WDFY3: variants seen among roughly 807,000 people sequenced by gnomAD.
WDFY3 encodes WD repeat and FYVE domain-containing protein 3.
In WDFY3, 66 loss-of-function variants were observed where a neutral mutation model predicts 409.6. That is an observed-to-expected ratio of 0.16 (90% CI 0.13 to 0.20). WDFY3 has a LOEUF of 0.20. WDFY3 is among the 10% of genes least tolerant of loss of function. The probability of loss-of-function intolerance (pLI) is 1.00; values close to 1 mark genes in which losing one functional copy is unlikely to be tolerated. For missense variants in WDFY3, 3,031 were observed against 4,298.1 expected (o/e 0.71, Z 8.24); for synonymous variants, 1,521 against 1,537.1 (o/e 0.99, Z 0.25).
At chr4:84,781,445 C>A (rs1293380427) in intron 25 of WDFY3, among the ~76,000 whole-genome samples, 1 of 140,206 alleles carries the variant, frequency 7.1e-6, no homozygotes, top group Admixed American at 7.5e-5. Context: ...GGCTGGAATG[C>A]AGTGGCTCAA....
At chr4:84,881,227 T>C (rs1451376393) in intron 3 of WDFY3, among the ~76,000 whole-genome samples, 1 of 152,208 alleles carries the variant, frequency 6.6e-6, no homozygotes, top group African/African-American at 2.4e-5. Context: ...TATTATTCTC[T>C]TCATTCACAG....
At chr4:84,765,416 C>A (rs1032811189) in intron 32 of WDFY3, among the ~76,000 whole-genome samples, 2 of 152,106 alleles carry the variant, frequency 1.3e-5, no homozygotes, top group South Asian at 2.1e-4. Flanking sequence ...TTGCACCTCA[C>A]AGAGTTATTG....
Position 84,751,619 on chromosome 4 carries a change from T to C in WDFY3, c.5837A>G (p.Asn1946Ser), listed in dbSNP as rs1487513855. The change falls in exon 36 of 68, where the codon AAT (asparagine) becomes AGT (serine). Residue 1946 changes from asparagine (N) to serine (S), a missense_variant. This residue lies in a region of WDFY3 where 314 missense variants were observed against 397.4 expected (regional missense o/e 0.79). Coordinates refer to ENST00000295888, the MANE Select transcript of WDFY3 (RefSeq NM_014991.6). Reference sequence around the variant, plus strand: ...GGTCAGATATGTCTTGGTGCCCACATTGCAGTACTCTGATTGGCTCCTGTT... The same window carrying C: ...GGTCAGATATGTCTTGGTGCCCACACTGCAGTACTCTGATTGGCTCCTGTT... The part of the protein sequence containing the change: ...GMNRSQSEYC[N>S]VGTKTYLTNH... The C allele has an allele frequency of 4.3e-6, 7 of 1,614,192 alleles. No homozygotes were observed. In the Middle Eastern group the frequency reaches 6.6e-4, roughly 152 times the overall value.
At chr4:84,800,830 A>G (rs1033842244) in intron 17 of WDFY3, among the ~76,000 whole-genome samples, 2 of 152,132 alleles carry the variant, frequency 1.3e-5, no homozygotes, top group African/African-American at 4.8e-5. Flanking sequence ...TCACGCTCCT[A>G]TGAGTATCTA....
intron 17 of WDFY3, among the ~76,000 whole-genome samples, chr4:84,798,724 C>T (rs1178770027): frequency 6.6e-6 from 1 of 152,168 alleles, no homozygotes; most frequent in Non-Finnish European, 1.5e-5. Flanking sequence ...TTGCTGCTAT[C>T]ACCCAGACCA....
At chr4:84,928,804 T>G (rs540576737) in intron 2 of WDFY3, among the ~76,000 whole-genome samples, 1 of 152,326 alleles carries the variant, frequency 6.6e-6, no homozygotes, top group South Asian at 2.1e-4. Flanking sequence ...GCATATTTTA[T>G]GAGAAATATC....
intron 63 of WDFY3, 167 bp from the exon 64 acceptor site, chr4:84,682,637 C>T (rs1211073349): frequency 4.9e-6 from 3 of 615,304 alleles, no homozygotes; most frequent in African/African-American, 1.9e-5. Context: ...GGGCTGCCTG[C>T]ACACAATGGC....
At chr4:84,910,259 G>A (rs1033274135) in intron 2 of WDFY3, among the ~76,000 whole-genome samples, 3 of 152,042 alleles carry the variant, frequency 2.0e-5, no homozygotes, top group East Asian at 1.9e-4. Flanking sequence ...TTCCTATCAC[G>A]GACTTGAGCA....
At chr4:84,797,506 A>T (rs1749664676) in intron 18 of WDFY3, among the ~76,000 whole-genome samples, 1 of 152,070 alleles carries the variant, frequency 6.6e-6, no homozygotes, top group Admixed American at 6.5e-5. Context: ...TCTCTTAGGG[A>T]AAGGAACTAT....
intron 3 of WDFY3, among the ~76,000 whole-genome samples, chr4:84,876,155 T>C (rs771948564): frequency 5.3e-5 from 8 of 152,176 alleles, no homozygotes; most frequent in Non-Finnish European, 8.8e-5. Flanking sequence ...GAGTTGTGCT[T>C]TGTGCTACGG....
In WDFY3 at chr4:84,703,309, A is replaced by C. The variant is rs148073275; in HGVS notation, c.8443-803T>G. Among the ~76,000 whole-genome samples the C allele has an allele frequency of 3.4e-3, 512 of 152,330 alleles. 4 individuals carry two copies. Among genetic ancestry groups the C allele is most frequent in the African/African-American group, 0.012 (495 of 41,568 alleles). ...GTGATCAGTTACAGACCGATGAAGC[A>C]AATTAAAATAGAAAAGGGATATTTT... On this transcript the variant is annotated intron_variant, in intron 55 of 67. Transcript: ENST00000295888.
intron 17 of WDFY3, among the ~76,000 whole-genome samples, chr4:84,798,419 G>A (rs1749895290): frequency 6.6e-6 from 1 of 152,000 alleles, no homozygotes; most frequent in Non-Finnish European, 1.5e-5. Context: ...AAAAATGCAA[G>A]TATAGTAAAA....
chr4:84,905,684 G>T (rs79721213), intron 2 of WDFY3, among the ~76,000 whole-genome samples: 1 of 152,054 alleles, frequency 6.6e-6, no homozygotes, highest in Non-Finnish European at 1.5e-5. Flanking sequence ...AAAACCCTTC[G>T]GTGGCTTTCA....
intron 27 of WDFY3, 120 bp downstream of exon 27, chr4:84,778,383 C>A (rs1285577464): frequency 1.1e-6 from 1 of 896,162 alleles, no homozygotes; most frequent in African/African-American, 1.7e-5. Flanking sequence ...ATGATATTAA[C>A]ATGAACATCA....
At chr4:84,784,638 G>C (rs1747139072) in intron 24 of WDFY3, among the ~76,000 whole-genome samples, 1 of 151,642 alleles carries the variant, frequency 6.6e-6, no homozygotes, top group Admixed American at 6.6e-5. Context: ...AGGAGTTTGA[G>C]ACCAGCCTGG....
chr4:84,801,797 T>G lies in WDFY3; in HGVS notation c.2675A>C (p.Gln892Pro). Reference sequence around the variant, plus strand: ...AAGACCAGCTTCACACATGACTTGCTGGTTCCTTTCTGTGTGCACCAGGGA... The same window carrying G: ...AAGACCAGCTTCACACATGACTTGCGGGTTCCTTTCTGTGTGCACCAGGGA... ...LQSLVHTERNQQVMCEAGLHA... is the reference protein window; with the variant it reads ...LQSLVHTERNPQVMCEAGLHA... Residue 892 changes from glutamine (Q) to proline (P), a missense_variant, in exon 17 of 68, where the codon CAG becomes CCG. By Grantham distance (76) the Gln-to-Pro change is moderately conservative. Coordinates refer to ENST00000295888, the MANE Select transcript of WDFY3 (RefSeq NM_014991.6). 6.2e-7 allele frequency: 1 copy of G among 1,614,210 alleles called. No individual in the cohort carries two copies. The highest frequency in any genetic ancestry group is 8.5e-7 in the Non-Finnish European group (1 of 1,180,034).
At chr4:84,729,906 C>T (rs1736300671) in intron 44 of WDFY3, among the ~76,000 whole-genome samples, 1 of 152,080 alleles carries the variant, frequency 6.6e-6, no homozygotes, top group Non-Finnish European at 1.5e-5. Context: ...GCTTCAAAAG[C>T]AACTTTAGGT....
At chr4:84,965,490 G>A (rs1450809841) in intron 1 of WDFY3, among the ~76,000 whole-genome samples, 1 of 152,144 alleles carries the variant, frequency 6.6e-6, no homozygotes, top group Non-Finnish European at 1.5e-5. Flanking sequence ...CAATTAAATG[G>A]TAAAAATCAA....
chr4:84,774,994 G>C lies in WDFY3; in HGVS notation c.4593-13C>G. 1 of 1,613,376 alleles carries C rather than the reference G, an allele frequency of 6.2e-7. No individual in the cohort carries two copies. ...CTTTGAGGCTTCACTATAAGAGAAA[G>C]AAGATTTTATACACTGTACTATCAC... On this transcript the variant is annotated splice_polypyrimidine_tract_variant and intron_variant, in intron 28 of 67. Coordinates refer to ENST00000295888, the MANE Select transcript of WDFY3 (RefSeq NM_014991.6).
Sources: gnomAD v4.1 joint callset for allele counts (sites outside exome capture counted in the v4.1 genomes callset) on GRCh38, gnomAD v4.1.1 for gene constraint, gnomAD v4.1.1 regional missense constraint, MANE v1.5 for transcripts, NCBI Gene and HGNC (gene_info 2026-07-23, HGNC 2026-07-21) for gene names.